Variants in RNASET2 observed in about 807,000 individuals in gnomAD.
RNASET2 encodes the protein ribonuclease T2, also known as ribonuclease 6.
Under a neutral mutation model 33.9 loss-of-function variants are expected in RNASET2, and 28 were observed. That is an observed-to-expected ratio of 0.83 (90% CI 0.61 to 1.13). RNASET2 has a LOEUF of 1.13. Ranked by LOEUF, RNASET2 falls within the 50% of genes most tolerant of loss-of-function variation. RNASET2 has a pLI of 0.00. For synonymous variants in RNASET2, 123 were observed against 121.0 expected (o/e 1.02, Z -0.11); for missense variants, 330 against 319.9 (o/e 1.03, Z -0.24).
At chr6:166,955,383 A>ACACACACACACGCG (rs1554270149) in intron 1 of RNASET2, 12 of 245,032 alleles carry the variant, frequency 4.9e-5, no homozygotes, top group South Asian at 2.7e-4. Context: ...ACGCACACGC[A>ACACACACACACGCG]CACACACACA....
intron 4 of RNASET2, 192 bp from the exon 5 acceptor site, chr6:166,943,281 AATC>A: frequency 1.9e-6 from 1 of 514,250 alleles, no homozygotes; most frequent in Non-Finnish European, 3.5e-6. Context: ...CAATTTGAGT[AATC>A]ATAAAACTGC....
intron 2 of RNASET2, among the ~76,000 whole-genome samples, chr6:166,950,313 G>A (rs997529210): frequency 8.5e-5 from 13 of 152,156 alleles, no homozygotes; most frequent in Admixed American, 4.6e-4. Context: ...GGCAGCTTCC[G>A]GCTCCTTCTG....
chr6:166,934,719 G>A (rs1003469684), intron 6 of RNASET2: 3 of 155,042 alleles, frequency 1.9e-5, no homozygotes, highest in African/African-American at 7.2e-5. Context: ...TTGTAGCCTC[G>A]AAGCAACAGG....
chr6:166,946,874 C>T (rs1778859969), intron 3 of RNASET2, 135 bp from the exon 4 acceptor site: 1 of 711,324 alleles, frequency 1.4e-6, no homozygotes, highest in African/African-American at 1.8e-5. Context: ...AATTCCTTAT[C>T]CCAGGCAGGA....
At chr6:166,940,951 C>T (rs940084432) in intron 5 of RNASET2, among the ~76,000 whole-genome samples, 3 of 152,142 alleles carry the variant, frequency 2.0e-5, no homozygotes, top group African/African-American at 7.2e-5. Flanking sequence ...AGACACATTC[C>T]ACAGCAGTGC....
intron 7 of RNASET2, chr6:166,931,393 A>G (rs1583214384): frequency 2.0e-6 from 1 of 505,712 alleles, no homozygotes; most frequent in Admixed American, 3.3e-5. Flanking sequence ...TCCTCCTCCC[A>G]GTGTCTTTCT....
chr6:166,941,222 T>C (rs1010689152), intron 5 of RNASET2, among the ~76,000 whole-genome samples: 3 of 152,254 alleles, frequency 2.0e-5, no homozygotes, highest in Non-Finnish European at 4.4e-5. Flanking sequence ...AAGTAAGTCA[T>C]CTTGCCTTTA....
At chr6:166,951,277 T>A (rs951231931) in intron 2 of RNASET2, among the ~76,000 whole-genome samples, 1 of 152,234 alleles carries the variant, frequency 6.6e-6, no homozygotes, top group African/African-American at 2.4e-5. Flanking sequence ...CAGAGCCAGG[T>A]GTACTGGGTG....
chr6:166,930,862 CAGCACATGCACACAT>C (rs1474495620), intron 8 of RNASET2, among the ~76,000 whole-genome samples, 167 bp downstream of exon 8: 1 of 151,532 alleles, frequency 6.6e-6, no homozygotes, highest in Admixed American at 6.6e-5. Context: ...CATGCACACA[CAGCACATGCACACAT>C]GCATGTACAC....
chr6:166,935,497 C>A (rs1209145586), intron 6 of RNASET2, among the ~76,000 whole-genome samples: 1 of 152,156 alleles, frequency 6.6e-6, no homozygotes, highest in Non-Finnish European at 1.5e-5. Context: ...ATCATGCTTT[C>A]TGCTGAGTTG....
chr6:166,948,977 G>A (rs1002395598), intron 2 of RNASET2, among the ~76,000 whole-genome samples: 1 of 152,174 alleles, frequency 6.6e-6, no homozygotes, highest in Admixed American at 6.5e-5. Flanking sequence ...CACTTTGGGA[G>A]GCCAAGGCGG....
At chr6:166,947,724 T>A (rs1778881543) in intron 3 of RNASET2, among the ~76,000 whole-genome samples, 1 of 152,106 alleles carries the variant, frequency 6.6e-6, no homozygotes, top group South Asian at 2.1e-4. Flanking sequence ...TCCCTCTTCC[T>A]AAGGAGCCAG....
chr6:166,927,189 T>C lies in RNASET2; in HGVS notation c.*2399A>G, dbSNP rs1217489060. ...TGTGCTTGGATCTGATCTCCATCAC[T>C]GAACCTTAAACGCAGAGTCTTCCCC... is the stretch of plus-strand genomic sequence containing the variant. On this transcript the variant is annotated 3_prime_UTR_variant, in exon 9 of 9. Coordinates refer to ENST00000508775, the MANE Select transcript of RNASET2 (RefSeq NM_003730.6). Among the ~76,000 whole-genome samples, 1 of 152,218 alleles carries C rather than the reference T, an allele frequency of 6.6e-6. No homozygotes were observed. The highest frequency in any genetic ancestry group is 1.5e-5 in the Non-Finnish European group (1 of 68,040).
At position 166,956,281 on chromosome 6, in the gene RNASET2, G is replaced by A; in HGVS notation, c.-99C>T. ...CTTCCGGGAGAAACGCTGTCTCCGAGCCCCCGCGCCGCCGCGCTCCCTCCG... is the reference window on the plus strand; with the variant it reads ...CTTCCGGGAGAAACGCTGTCTCCGAACCCCCGCGCCGCCGCGCTCCCTCCG... On this transcript the variant is annotated 5_prime_UTR_variant, in exon 1 of 9. Coordinates refer to ENST00000508775, the MANE Select transcript of RNASET2 (RefSeq NM_003730.6). 2.5e-6 allele frequency: 3 copies of A among 1,182,298 alleles called. No homozygotes were observed. The Admixed American group carries it at 6.0e-5, about 23-fold the overall frequency. 73.2% of individuals were successfully genotyped at this position (1,182,298 alleles called of 1,614,324 possible). A position where few individuals can be genotyped will look rare whatever the true frequency, so the allele number is the denominator to read the frequency against.
At chr6:166,932,242 T>C (rs1402585617) in intron 7 of RNASET2, 2 of 152,726 alleles carry the variant, frequency 1.3e-5, no homozygotes, top group East Asian at 1.9e-4. Flanking sequence ...TCCCCCAGCA[T>C]GTGACCTACT....
chr6:166,938,745 C>T (rs758200782), intron 6 of RNASET2, 150 bp downstream of exon 6: 5 of 772,858 alleles, frequency 6.5e-6, no homozygotes, highest in Non-Finnish European at 2.4e-6. Context: ...GAACATTCCT[C>T]AGGAATGATC....
intron 1 of RNASET2, chr6:166,955,652 C>A: frequency 9.9e-7 from 1 of 1,009,408 alleles, no homozygotes; most frequent in Non-Finnish European, 1.2e-6. Context: ...TCCAGTCCAG[C>A]TCCAGGCTGG....
chr6:166,955,291 CACAGACGCGCACACACG>C (rs1223734756), intron 1 of RNASET2, among the ~76,000 whole-genome samples: 5 of 66,012 alleles, frequency 7.6e-5, no homozygotes, highest in South Asian at 7.4e-4. Flanking sequence ...GACACACACG[CACAGACGCGCACACACG>C]ACACACACGC....
chr6:166,930,944 CA>C (rs1417169762), intron 8 of RNASET2, 99 bp downstream of exon 8: 6 of 856,428 alleles, frequency 7.0e-6, no homozygotes. Flanking sequence ...TGCACAAATA[CA>C]AGTCTGCCCC....
Sources: allele counts gnomAD v4.1 joint callset (sites outside exome capture counted in the v4.1 genomes callset), GRCh38; gene constraint gnomAD v4.1.1; transcripts MANE v1.5; gene names NCBI Gene and HGNC (gene_info 2026-07-23, HGNC 2026-07-21).